Variants in UBXN7 observed in about 807,000 individuals in gnomAD.
UBXN7 encodes UBX domain protein 7.
A neutral mutation model predicts 58.0 loss-of-function variants in UBXN7; 9 were observed. The observed-to-expected ratio is 0.16, with a 90% CI of 0.09 to 0.27. The LOEUF is 0.27. Among genes scored for constraint, UBXN7 ranks in the 10% least tolerant of loss-of-function variants. UBXN7 has a pLI of 1.00. For synonymous variants in UBXN7, 208 were observed against 205.0 expected, an observed-to-expected ratio of 1.01 and a Z score of -0.12; for missense variants, 328 against 599.6, an observed-to-expected ratio of 0.55 and a Z score of 4.73.
intron 10 of UBXN7, among the ~76,000 whole-genome samples, chr3:196,361,287 C>T (rs1400439941): frequency 6.6e-6 from 1 of 152,120 alleles, no homozygotes; most frequent in Non-Finnish European, 1.5e-5. Context: ...AGGGGGGTTG[C>T]TTCTTATGGA....
chr3:196,412,725 T>C (rs565515938), intron 1 of UBXN7, among the ~76,000 whole-genome samples: 1 of 152,324 alleles, frequency 6.6e-6, no homozygotes, highest in South Asian at 2.1e-4. Flanking sequence ...ATTCATACAA[T>C]GGAATCTCAT....
chr3:196,374,647 G>A (rs959744694), intron 5 of UBXN7, among the ~76,000 whole-genome samples: 1 of 150,468 alleles, frequency 6.6e-6, no homozygotes, highest in Non-Finnish European at 1.5e-5. Flanking sequence ...TTGGGAGGCC[G>A]AGGTGGGTGG....
intron 1 of UBXN7, among the ~76,000 whole-genome samples, chr3:196,429,891 T>G (rs1382979239): frequency 6.6e-6 from 1 of 152,184 alleles, no homozygotes; most frequent in Non-Finnish European, 1.5e-5. Context: ...TCAAGCTACG[T>G]AGACGAACAG....
At position 196,356,446 on chromosome 3, in the gene UBXN7, G is replaced by A; in HGVS notation, c.*239C>T. On this transcript the variant is annotated 3_prime_UTR_variant, in exon 11 of 11. Coordinates refer to ENST00000296328, the MANE Select transcript of UBXN7 (RefSeq NM_015562.2). ...ACCAGATTAGGTAAGAAAGAAAAGT[G>A]TGGGGGGAGGGGGAGGCAGAAGGGT... The A allele has an allele frequency of 1.0e-5, 4 of 401,662 alleles. No individual in the cohort carries two copies. The highest frequency in any genetic ancestry group is 1.8e-5 in the Non-Finnish European group (4 of 227,312). 24.9% of individuals were successfully genotyped at this position (401,662 alleles called of 1,614,324 possible). A position where few individuals can be genotyped will look rare whatever the true frequency, so the allele number is the denominator to read the frequency against.
chr3:196,405,770 A>G (rs927398307), intron 2 of UBXN7, among the ~76,000 whole-genome samples: 6 of 152,242 alleles, frequency 3.9e-5, no homozygotes, highest in African/African-American at 1.2e-4. Context: ...AGGATGGAAC[A>G]GAAAAAAGTG....
intron 10 of UBXN7, among the ~76,000 whole-genome samples, chr3:196,361,306 G>T (rs1577431632): frequency 6.6e-6 from 1 of 152,208 alleles, no homozygotes; most frequent in African/African-American, 2.4e-5. Context: ...GATGAGCAAA[G>T]AAAGTGATTT....
At chr3:196,358,839 T>A (rs200744558) in intron 10 of UBXN7, among the ~76,000 whole-genome samples, 3 of 150,880 alleles carry the variant, frequency 2.0e-5, no homozygotes, top group African/African-American at 4.9e-5. Flanking sequence ...TTTTTTTTTT[T>A]AAACAGAGAC....
intron 6 of UBXN7, 129 bp downstream of exon 6, chr3:196,371,767 G>T: frequency 8.4e-7 from 1 of 1,190,536 alleles, no homozygotes; most frequent in Non-Finnish European, 1.1e-6. Flanking sequence ...ATAGGCGTGA[G>T]CTACTGCCCC....
At chr3:196,375,964 G>A (rs1481372061) in intron 5 of UBXN7, among the ~76,000 whole-genome samples, 1 of 152,220 alleles carries the variant, frequency 6.6e-6, no homozygotes, top group East Asian at 1.9e-4. Flanking sequence ...GGGAGGCAGA[G>A]GTTGCAGTGA....
Position 196,349,507 on chromosome 3 carries a change from G to A in UBXN7, c.*7178C>T, listed in dbSNP as rs1728163576. The A allele has an allele frequency of 6.6e-6, 1 of 152,168 alleles. No individual in the cohort carries two copies. Among genetic ancestry groups the A allele is most frequent in the Non-Finnish European group, 1.5e-5 (1 of 68,030 alleles). 9.4% of individuals were successfully genotyped at this position (152,168 alleles called of 1,614,324 possible). A position where few individuals can be genotyped will look rare whatever the true frequency, so the allele number is the denominator to read the frequency against. ...ATCTCCATTAAGAATGCAAAGCTTT[G>A]AGAAAAGCATACTGTAAAATCATGT... On this transcript the variant is annotated 3_prime_UTR_variant, in exon 11 of 11. Transcript: ENST00000296328.
At chr3:196,407,040 C>A (rs775480804) in intron 2 of UBXN7, among the ~76,000 whole-genome samples, 7 of 152,256 alleles carry the variant, frequency 4.6e-5, no homozygotes, top group Non-Finnish European at 8.8e-5. Flanking sequence ...ACAGAGCCTA[C>A]ACGGTTCCTT....
intron 5 of UBXN7, among the ~76,000 whole-genome samples, chr3:196,375,572 T>C (rs905359813): frequency 1.6e-4 from 25 of 152,114 alleles, no homozygotes; most frequent in African/African-American, 6.0e-4. Context: ...AGAAAAATAA[T>C]CTCCTCATGG....
intron 5 of UBXN7, among the ~76,000 whole-genome samples, chr3:196,387,815 A>G (rs1729456130): frequency 6.6e-6 from 1 of 152,172 alleles, no homozygotes; most frequent in Non-Finnish European, 1.5e-5. Flanking sequence ...GAGGATGTAG[A>G]GAAATAGGGA....
At position 196,352,809 on chromosome 3, in the gene UBXN7, T is replaced by A. The variant is rs1460702691; in HGVS notation, c.*3876A>T. On this transcript the variant is annotated 3_prime_UTR_variant, in exon 11 of 11. Transcript: ENST00000296328. The surrounding 1 kb of genome is among the most constrained non-coding windows in gnomAD (Gnocchi z 4.1). ...GAGATCGAGACCATCCTGGCCAACATGGTGAAACCCTGTCTCTACTAAAAA... is the reference window on the plus strand; with the variant it reads ...GAGATCGAGACCATCCTGGCCAACAAGGTGAAACCCTGTCTCTACTAAAAA... The A allele has an allele frequency of 6.6e-6, 1 of 151,960 alleles. No homozygotes were observed. Among genetic ancestry groups the A allele is most frequent in the Admixed American group, 6.5e-5 (1 of 15,270 alleles). 9.4% of individuals were successfully genotyped at this position (151,960 alleles called of 1,614,324 possible). A position where few individuals can be genotyped will look rare whatever the true frequency, so the allele number is the denominator to read the frequency against.
In UBXN7 at chr3:196,380,819, G is replaced by A. The variant is rs191586143; in HGVS notation, c.469-8777C>T. 1.2e-3 allele frequency among the ~76,000 whole-genome samples: 180 copies of A among 152,384 alleles called. 1 individual carries two copies. Among genetic ancestry groups the A allele is most frequent in the Admixed American group, 0.01 (155 of 15,310 alleles). On this transcript the variant is annotated intron_variant, in intron 5 of 10. Coordinates refer to ENST00000296328, the MANE Select transcript of UBXN7 (RefSeq NM_015562.2). ...CAAGGTCTTAGCAACTGGCAGGCAAGGTGATTCTCTCTCGTACCTGGCTTG... is the reference window on the plus strand; with the variant it reads ...CAAGGTCTTAGCAACTGGCAGGCAAAGTGATTCTCTCTCGTACCTGGCTTG...
chr3:196,361,142 T>C (rs529953546), intron 10 of UBXN7, among the ~76,000 whole-genome samples: 108 of 152,310 alleles, frequency 7.1e-4, no homozygotes, highest in African/African-American at 2.2e-3. Flanking sequence ...CCCTCATGGA[T>C]GACTTTGAGG....
intron 5 of UBXN7, among the ~76,000 whole-genome samples, chr3:196,384,520 T>A (rs1173856178): frequency 6.6e-6 from 1 of 152,000 alleles, no homozygotes; most frequent in Non-Finnish European, 1.5e-5. Flanking sequence ...TAGACCAATA[T>A]CCCTGATGAA....
chr3:196,372,840 G>A (rs1728883147), intron 5 of UBXN7, among the ~76,000 whole-genome samples: 1 of 151,660 alleles, frequency 6.6e-6, no homozygotes, highest in African/African-American at 2.4e-5. Context: ...CCACCTACTA[G>A]GTTCAAGTGA....
chr3:196,425,924 G>A (rs975766333), intron 1 of UBXN7, among the ~76,000 whole-genome samples: 10 of 151,902 alleles, frequency 6.6e-5, no homozygotes, highest in Non-Finnish European at 1.5e-4. Flanking sequence ...ATACCTATTC[G>A]TGTGTCTCTA....
Sources: gnomAD v4.1 joint callset for allele counts (sites outside exome capture counted in the v4.1 genomes callset) on GRCh38, gnomAD v4.1.1 for gene constraint, Gnocchi (gnomAD v3.1) non-coding constraint, MANE v1.5 for transcripts, NCBI Gene and HGNC (gene_info 2026-07-23, HGNC 2026-07-21) for gene names.